Variants in FAM184B observed in about 807,000 individuals in gnomAD.
FAM184B encodes the protein family with sequence similarity 184 member B.
Under a neutral mutation model 135.9 loss-of-function variants are expected in FAM184B, and 111 were observed. That is an observed-to-expected ratio of 0.82 (90% CI 0.70 to 0.96). The LOEUF (loss-of-function observed/expected upper bound fraction) is 0.96. Ranked by LOEUF, FAM184B falls within the 40% of genes least tolerant of loss-of-function variation. The pLI, the probability that FAM184B is intolerant of heterozygous loss-of-function variation, is 0.00. For missense variants in FAM184B, 1,375 were observed against 1,323.9 expected (o/e 1.04, Z -0.60); for synonymous variants, 552 against 524.8 (o/e 1.05, Z -0.71).
Position 17,632,432 on chromosome 4 carries a change from G to A in FAM184B, c.*100C>T. The stretch of plus-strand genomic sequence containing the variant: ...TTTAGCTATCATATATAAATCATAA[G>A]CATATTATTTGGTTGGTTGGTGTTA... On this transcript the variant is annotated 3_prime_UTR_variant, in exon 18 of 18. Transcript: ENST00000265018. 2.0e-6 allele frequency: 2 copies of A among 982,790 alleles called. No individual in the cohort carries two copies. Among genetic ancestry groups the A allele is most frequent in the East Asian group, 2.7e-5 (1 of 36,494 alleles). 60.9% of individuals were successfully genotyped at this position (982,790 alleles called of 1,614,324 possible). A position where few individuals can be genotyped will look rare whatever the true frequency, so the allele number is the denominator to read the frequency against.
rs1426966283 is a variant in FAM184B at position 17,705,187 on chromosome 4, G to A, written c.1190C>T (p.Ala397Val). Residue 397 changes from alanine (A) to valine (V), a missense_variant, in exon 5 of 18, where the codon GCT becomes GTT. Coordinates refer to ENST00000265018, the MANE Select transcript of FAM184B (RefSeq NM_015688.2). ...TDMQTKKEAS[A>V]ETEYMKQQYE... ...TTGTTGCTTCATATATTCTGTCTCA[G>A]CACTTGCCTCTTTCTTGGTCTATAA... is the stretch of plus-strand genomic sequence containing the variant. The A allele has an allele frequency of 1.3e-6, 2 of 1,551,634 alleles. No homozygotes were observed. The highest frequency in any genetic ancestry group is 2.0e-5 in the Admixed American group (1 of 50,974).
intron 15 of FAM184B, 89 bp downstream of exon 15, chr4:17,636,439 G>A (rs1445797100): frequency 1.0e-6 from 1 of 983,360 alleles, no homozygotes; most frequent in African/African-American, 1.6e-5. Flanking sequence ...GGCACCTAGA[G>A]AAATGCTGGG....
intron 1 of FAM184B, among the ~76,000 whole-genome samples, chr4:17,779,755 A>G (rs1718998435): frequency 6.6e-6 from 1 of 152,188 alleles, no homozygotes; most frequent in South Asian, 2.1e-4. Context: ...CTACTTCTAT[A>G]GCACTCGTAA....
intron 14 of FAM184B, among the ~76,000 whole-genome samples, chr4:17,638,413 G>A (rs1235914640): frequency 2.0e-5 from 3 of 151,180 alleles, no homozygotes; most frequent in Non-Finnish European, 2.9e-5. Flanking sequence ...GGCTGGTCTC[G>A]AACTCCTGGG....
intron 1 of FAM184B, among the ~76,000 whole-genome samples, chr4:17,725,265 A>G (rs1404851915): frequency 6.6e-6 from 1 of 152,188 alleles, no homozygotes; most frequent in Non-Finnish European, 1.5e-5. Context: ...GAGTGAATAA[A>G]TGGTGAAAAA....
intron 1 of FAM184B, among the ~76,000 whole-genome samples, chr4:17,751,868 A>AC (rs1382691924): frequency 3.5e-5 from 2 of 57,006 alleles, no homozygotes; most frequent in East Asian, 6.6e-4. Context: ...CACACACACA[A>AC]AAGAACCAGG....
At position 17,652,879 on chromosome 4, in the gene FAM184B, C is replaced by G. The variant is rs1715663176; in HGVS notation, c.2142G>C (p.Glu714Asp). 6.4e-7 allele frequency: 1 copy of G among 1,551,752 alleles called. No homozygotes were observed. The highest frequency in any genetic ancestry group is 8.7e-7 in the Non-Finnish European group (1 of 1,147,012). The change falls in exon 11 of 18, where the codon GAG becomes GAC. Residue 714 changes from glutamate (E) to aspartate (D), a missense_variant. By Grantham distance (45) the Glu-to-Asp change is conservative. Coordinates refer to ENST00000265018, the MANE Select transcript of FAM184B (RefSeq NM_015688.2). Reference protein sequence around the residue: ...LQALEEKARQELQEERERMQA... With the variant: ...LQALEEKARQDLQEERERMQA... ...GCATCCTCTCACGCTCCTCCTGCAG[C>G]TCTTGCCTGGCCTTTTCCTCCAAGG...
chr4:17,752,354 G>A (rs147410050), intron 1 of FAM184B, among the ~76,000 whole-genome samples: 46 of 152,242 alleles, frequency 3.0e-4, no homozygotes, highest in African/African-American at 1.0e-3. Flanking sequence ...AGGGGGAGGT[G>A]AGGCTGGGCA....
At chr4:17,660,177 G>A in intron 8 of FAM184B, 90 bp from the exon 9 acceptor site, 2 of 1,459,062 alleles carry the variant, frequency 1.4e-6, no homozygotes, top group Non-Finnish European at 9.2e-7. Flanking sequence ...CTGTGCCTGG[G>A]AGGAGAAAGC....
At chr4:17,643,296 C>G (rs947433869) in intron 12 of FAM184B, among the ~76,000 whole-genome samples, 4 of 152,114 alleles carry the variant, frequency 2.6e-5, no homozygotes, top group African/African-American at 9.7e-5. Context: ...CTCCCCTTTC[C>G]TTTTTGACTC....
At chr4:17,724,097 A>G (rs1717589825) in intron 1 of FAM184B, among the ~76,000 whole-genome samples, 1 of 140,450 alleles carries the variant, frequency 7.1e-6, no homozygotes, top group Admixed American at 7.4e-5. Flanking sequence ...AGAGGGAGGC[A>G]AAAAAACAAA....
intron 7 of FAM184B, among the ~76,000 whole-genome samples, chr4:17,682,822 T>C (rs1716480980): frequency 2.0e-5 from 3 of 152,168 alleles, no homozygotes; most frequent in Admixed American, 2.0e-4. Flanking sequence ...CTTGACTCAC[T>C]GAAGTGCTTT....
chr4:17,780,208 T>A (rs1719008564), intron 1 of FAM184B, among the ~76,000 whole-genome samples: 1 of 151,806 alleles, frequency 6.6e-6, no homozygotes, highest in Non-Finnish European at 1.5e-5. Flanking sequence ...CACAAAAAAA[T>A]GTGTGGGAAG....
At chr4:17,643,326 T>A (rs147614292) in intron 12 of FAM184B, among the ~76,000 whole-genome samples, 1 of 152,226 alleles carries the variant, frequency 6.6e-6, no homozygotes, top group Non-Finnish European at 1.5e-5. Context: ...GGGCTGTTCC[T>A]CTTTGCCGAC....
intron 1 of FAM184B, among the ~76,000 whole-genome samples, chr4:17,751,613 G>A (rs1208880104): frequency 6.6e-6 from 1 of 151,910 alleles, no homozygotes; most frequent in Non-Finnish European, 1.5e-5. Context: ...AGGCTTTCTG[G>A]GAGCCCCTAA....
At chr4:17,733,012 G>C (rs529458411) in intron 1 of FAM184B, among the ~76,000 whole-genome samples, 4 of 152,122 alleles carry the variant, frequency 2.6e-5, no homozygotes, top group Admixed American at 2.6e-4. Context: ...TTCATTCCTG[G>C]GATGCAAGGC....
rs144722933 is a variant in FAM184B at position 17,774,872 on chromosome 4, A to G, written c.141+6287T>C. Reference sequence around the variant, plus strand: ...TTTTGTCTCATGTATCTTTTATTCTATTTCCATATTCTGTTTTCTATATGA... The same window carrying G: ...TTTTGTCTCATGTATCTTTTATTCTGTTTCCATATTCTGTTTTCTATATGA... On this transcript the variant is annotated intron_variant, in intron 1 of 17. Transcript: ENST00000265018. Among the ~76,000 whole-genome samples, 27 of 151,478 alleles carry G rather than the reference A, an allele frequency of 1.8e-4. No individual in the cohort carries two copies. In the East Asian group the frequency reaches 2.5e-3, roughly 14 times the overall value.
At chr4:17,775,085 C>A (rs148517675) in intron 1 of FAM184B, among the ~76,000 whole-genome samples, 3,982 of 149,970 alleles carry the variant, frequency 0.027, 167 homozygotes, top group African/African-American at 0.092. Flanking sequence ...CAACCTCCGC[C>A]TCCCGGGTTC....
chr4:17,757,885 G>C (rs1252097839), intron 1 of FAM184B, among the ~76,000 whole-genome samples: 1 of 152,036 alleles, frequency 6.6e-6, no homozygotes, highest in Non-Finnish European at 1.5e-5. Context: ...TTAGAATCAG[G>C]CTTGAAATAT....
Sources: allele counts gnomAD v4.1 joint callset (sites outside exome capture counted in the v4.1 genomes callset), GRCh38; gene constraint gnomAD v4.1.1; transcripts MANE v1.5; gene names NCBI Gene and HGNC (gene_info 2026-07-23, HGNC 2026-07-21).